TMEM179: variants seen among roughly 807,000 people sequenced by gnomAD.
TMEM179 encodes the protein transmembrane protein 179, also known as transmembrane protein 179A.
Under a neutral mutation model 22.2 loss-of-function variants are expected in TMEM179, and 17 were observed. The observed-to-expected ratio is 0.77, with a 90% CI of 0.52 to 1.15. The LOEUF (loss-of-function observed/expected upper bound fraction) is 1.15. Among genes scored for constraint, TMEM179 ranks in the 50% most tolerant of loss-of-function variants. TMEM179 has a pLI of 0.00. For synonymous variants in TMEM179, 127 were observed against 140.5 expected, an observed-to-expected ratio of 0.90 and a Z score of 0.68; for missense variants, 265 against 313.6, an observed-to-expected ratio of 0.84 and a Z score of 1.17.
At chr14:104,596,213 A>G (rs1329035436) in intron 2 of TMEM179, among the ~76,000 whole-genome samples, 1 of 152,220 alleles carries the variant, frequency 6.6e-6, no homozygotes, top group Admixed American at 6.5e-5. Context: ...CTGGGGTTTC[A>G]GGTCTGGGTT....
At position 104,593,485 on chromosome 14, in the gene TMEM179, G is replaced by A; in HGVS notation, c.696C>T (p.Val232=). ...RTSFQEEKSA[V]I is the part of the protein sequence containing the mutation. ...CCCCCTGCCTGCACTGTGCCTAAATGACAGCGCTCTTCTCCTCTTGGAAGG... is the reference window on the plus strand; with the variant it reads ...CCCCCTGCCTGCACTGTGCCTAAATAACAGCGCTCTTCTCCTCTTGGAAGG... Residue 232 remains valine (V), a synonymous_variant, in exon 4 of 4, where the codon GTC becomes GTT. Transcript: ENST00000556573. The A allele has an allele frequency of 6.5e-7, 1 of 1,536,056 alleles. No individual in the cohort carries two copies. Among genetic ancestry groups the A allele is most frequent in the Non-Finnish European group, 8.7e-7 (1 of 1,146,842 alleles).
chr14:104,602,407 C>G (rs139005840), intron 1 of TMEM179, among the ~76,000 whole-genome samples: 1 of 152,284 alleles, frequency 6.6e-6, no homozygotes, highest in Admixed American at 6.5e-5. Flanking sequence ...TGAAGAAGTG[C>G]GTGAGCGATG....
intron 3 of TMEM179, chr14:104,594,887 C>A: frequency 7.7e-7 from 1 of 1,299,934 alleles, no homozygotes; most frequent in Non-Finnish European, 9.8e-7. Context: ...CCCCCACACC[C>A]CCACACTTCC....
In TMEM179 at chr14:104,604,104, C is replaced by G. The variant is rs181786829; in HGVS notation, c.305+333G>C. Reference sequence around the variant, plus strand: ...GTCGCCGGTCCTGGCGAGTGTGGCCCGGCTGAGCCCGCCCAGGAAGGTCCA... The same window carrying G: ...GTCGCCGGTCCTGGCGAGTGTGGCCGGGCTGAGCCCGCCCAGGAAGGTCCA... On this transcript the variant is annotated intron_variant, in intron 1 of 3. Transcript: ENST00000556573. This position sits in a 1 kb window ranked among gnomAD's most constrained non-coding sequence, Gnocchi z 4.6. 1.3e-5 allele frequency among the ~76,000 whole-genome samples: 2 copies of G among 152,336 alleles called. No individual in the cohort carries two copies. Among genetic ancestry groups the G allele is most frequent in the African/African-American group, 4.8e-5 (2 of 41,578 alleles).
In TMEM179 at chr14:104,597,231, C is replaced by A. The variant is rs1887061009; in HGVS notation, c.306-104G>T. 2 of 1,450,634 alleles carry A rather than the reference C, an allele frequency of 1.4e-6. No homozygotes were observed. The highest frequency in any genetic ancestry group is 1.4e-5 in the African/African-American group (1 of 70,782). 89.9% of individuals were successfully genotyped at this position (1,450,634 alleles called of 1,614,324 possible). On this transcript the variant is annotated intron_variant, in intron 1 of 3. Transcript: ENST00000556573. This position sits in a 1 kb window ranked among gnomAD's most constrained non-coding sequence, Gnocchi z 4.8. ...ACAGGAGGGGCAGGCTCACTGGACG[C>A]CATCTCCTGGGCAACCCCCACCAGC... is the stretch of plus-strand genomic sequence containing the variant.
At chr14:104,593,941 G>A (rs1388831145) in intron 3 of TMEM179, 5 of 921,084 alleles carry the variant, frequency 5.4e-6, no homozygotes, top group Non-Finnish European at 5.7e-6. Context: ...ACTCCAGGCC[G>A]GCCAGAGGCC....
chr14:104,600,412 GA>G (rs1271791337), intron 1 of TMEM179, among the ~76,000 whole-genome samples: 1 of 152,202 alleles, frequency 6.6e-6, no homozygotes, highest in Non-Finnish European at 1.5e-5. Context: ...CGGGCAGGCA[GA>G]TGAGTTTAAC....
At chr14:104,599,690 G>C (rs1887173698) in intron 1 of TMEM179, among the ~76,000 whole-genome samples, 2 of 152,212 alleles carry the variant, frequency 1.3e-5, no homozygotes, top group Non-Finnish European at 2.9e-5. Flanking sequence ...AGAAGGTGGT[G>C]GCGAGGCACG....
rs538634979 is a variant in TMEM179 at position 104,595,352 on chromosome 14, G to A, written c.444-109C>T. ...GAGCTTTGCCCTACAATTGTTGGGC[G>A]AGGGGGTGGGCAGCAGGGAGTCTCT... is the stretch of plus-strand genomic sequence containing the variant. On this transcript the variant is annotated intron_variant, in intron 2 of 3. Coordinates refer to ENST00000556573, the MANE Select transcript of TMEM179 (RefSeq NM_001286389.2). This position sits in a 1 kb window ranked among gnomAD's most constrained non-coding sequence, Gnocchi z 5.7. The A allele has an allele frequency of 6.5e-6, 7 of 1,082,140 alleles. No individual in the cohort carries two copies. The highest frequency in any genetic ancestry group is 2.6e-4 in the Middle Eastern group (1 of 3,814). 67.0% of individuals were successfully genotyped at this position (1,082,140 alleles called of 1,614,324 possible).
At chr14:104,593,794 G>C in intron 3 of TMEM179, 136 bp from the exon 4 acceptor site, 4 of 1,024,174 alleles carry the variant, frequency 3.9e-6, no homozygotes, top group Non-Finnish European at 5.3e-6. Flanking sequence ...GGGACATGGG[G>C]CAGGGCCAGC....
chr14:104,604,572 C>A lies in TMEM179; in HGVS notation c.170G>T (p.Arg57Leu). ...CCACTCCTGCACCGTGAAGCGCTCG[C>A]GCTCCTGCACCGTGAGGTTGGCGCT... ...WLSANLTVQE[R>L]ERFTVQEWGP... Residue 57 changes from arginine (R) to leucine (L), a missense_variant, in exon 1 of 4, where the codon CGC becomes CTC. By Grantham distance (102) the Arg-to-Leu change is moderately radical (BLOSUM62 -2). Transcript: ENST00000556573. The surrounding 1 kb of genome is among the most constrained non-coding windows in gnomAD (Gnocchi z 4.6). 1 of 1,531,516 alleles carries A rather than the reference C, an allele frequency of 6.5e-7. No homozygotes were observed. Among genetic ancestry groups the A allele is most frequent in the Non-Finnish European group, 8.7e-7 (1 of 1,143,068 alleles). 94.9% of individuals were successfully genotyped at this position (1,531,516 alleles called of 1,614,324 possible).
rs1887332685 is a variant in TMEM179, at chr14:104,604,068, G to A, written c.305+369C>T. ...AGAGCTCAGTGCAAGCCCTAGACCG[G>A]GCTGGGAGTTGTCGCCGGTCCTGGC... On this transcript the variant is annotated intron_variant, in intron 1 of 3. Transcript: ENST00000556573. This position sits in a 1 kb window ranked among gnomAD's most constrained non-coding sequence, Gnocchi z 4.6. 1.3e-5 allele frequency among the ~76,000 whole-genome samples: 2 copies of A among 152,230 alleles called. No homozygotes were observed. The highest frequency in any genetic ancestry group is 4.8e-5 in the African/African-American group (2 of 41,460).
In TMEM179 at chr14:104,597,094, G is replaced by A; in HGVS notation, c.339C>T (p.Val113=). The change falls in exon 2 of 4, where the codon GTC becomes GTT. Residue 113 remains valine, a synonymous_variant. Coordinates refer to ENST00000556573, the MANE Select transcript of TMEM179 (RefSeq NM_001286389.2). The surrounding 1 kb of genome is among the most constrained non-coding windows in gnomAD (Gnocchi z 4.8). ...AGACCAGGAAGACCACGAAGGCGCT[G>A]ACCAGGAGGTTCAGGAAGGCGGAGA... ...SFFSAFLNLL[V]SAFVVFLVFI... The A allele has an allele frequency of 6.2e-7, 1 of 1,605,660 alleles. No individual in the cohort carries two copies. The highest frequency in any genetic ancestry group is 8.5e-7 in the Non-Finnish European group (1 of 1,176,854).
In TMEM179 at chr14:104,593,576, T is replaced by C; in HGVS notation, c.605A>G (p.Glu202Gly). Residue 202 changes from glutamate to glycine, a missense_variant, in exon 4 of 4, where the codon GAG becomes GGG. Glu to Gly is a moderately conservative substitution (Grantham distance 98). Transcript: ENST00000556573. ...FLKVYHNYRQ[E>G]DLLDSLIHEK... ...GTGGATCAGGCTGTCCAGCAGGTCC[T>C]CCTGACGGTAGTTGTGGTAGACCTT... The C allele has an allele frequency of 1.3e-6, 2 of 1,529,714 alleles. No individual in the cohort carries two copies. Among genetic ancestry groups the C allele is most frequent in the Non-Finnish European group, 1.8e-6 (2 of 1,142,796 alleles). 94.8% of individuals were successfully genotyped at this position (1,529,714 alleles called of 1,614,324 possible).
Position 104,591,775 on chromosome 14 carries a change from C to G in TMEM179, c.*1704G>C, listed in dbSNP as rs1886852018. ...AGGGTGGGTCATGAACTCAGGGAGC[C>G]AGGGGCTCGCCTCTCCCCGGGAAGG... On this transcript the variant is annotated 3_prime_UTR_variant, in exon 4 of 4. Coordinates refer to ENST00000556573, the MANE Select transcript of TMEM179 (RefSeq NM_001286389.2). 1 of 213,584 alleles carries G rather than the reference C, an allele frequency of 4.7e-6. No homozygotes were observed. The highest frequency in any genetic ancestry group is 9.5e-6 in the Non-Finnish European group (1 of 105,234). The allele number at this position is 213,584 out of a possible 1,614,324, so 13.2% of individuals were successfully genotyped here. A position where few individuals can be genotyped will look rare whatever the true frequency, so the allele number is the denominator to read the frequency against.
rs1465177597 is a variant in TMEM179 at position 104,597,137 on chromosome 14, G to GA, written c.306-11dup. ...GGCGGAGAAGAAGGAGCTGCAGCCA[G>GA]AAACAGGAGGGGCAGGCTCACTGGA... is the stretch of plus-strand genomic sequence containing the variant. On this transcript the variant is annotated splice_polypyrimidine_tract_variant and intron_variant, in intron 1 of 3. Coordinates refer to ENST00000556573, the MANE Select transcript of TMEM179 (RefSeq NM_001286389.2). This position sits in a 1 kb window ranked among gnomAD's most constrained non-coding sequence, Gnocchi z 4.8. The GA allele has an allele frequency of 6.3e-7, 1 of 1,579,424 alleles. No homozygotes were observed. The highest frequency in any genetic ancestry group is 1.8e-5 in the Admixed American group (1 of 55,176).
At chr14:104,598,723 G>A (rs911691212) in intron 1 of TMEM179, among the ~76,000 whole-genome samples, 4 of 152,188 alleles carry the variant, frequency 2.6e-5, no homozygotes, top group African/African-American at 9.7e-5. Flanking sequence ...TGCCTCCAAG[G>A]AGCCCGTCCA....
intron 1 of TMEM179, among the ~76,000 whole-genome samples, chr14:104,602,328 T>C (rs1887265967): frequency 6.6e-6 from 1 of 151,986 alleles, no homozygotes; most frequent in Non-Finnish European, 1.5e-5. Context: ...CATAGCTGGG[T>C]CCTATCTAGA....
Position 104,603,064 on chromosome 14 carries a change from G to A in TMEM179, c.305+1373C>T, listed in dbSNP as rs118071139. ...TGTGAGGACAGCGGCAGAGGGTGGT[G>A]GGACAAGTGGGTTTCAGTCCAGTTG... On this transcript the variant is annotated intron_variant, in intron 1 of 3. Coordinates refer to ENST00000556573, the MANE Select transcript of TMEM179 (RefSeq NM_001286389.2). 3.9e-3 allele frequency among the ~76,000 whole-genome samples: 588 copies of A among 152,296 alleles called. 3 individuals carry two copies. Among genetic ancestry groups the A allele is most frequent in the East Asian group, 0.033 (172 of 5,178 alleles).
Sources: gnomAD v4.1 joint callset for allele counts (sites outside exome capture counted in the v4.1 genomes callset) on GRCh38, gnomAD v4.1.1 for gene constraint, Gnocchi (gnomAD v3.1) non-coding constraint, MANE v1.5 for transcripts, NCBI Gene and HGNC (gene_info 2026-07-23, HGNC 2026-07-21) for gene names.